Variants in ATM observed in about 807,000 individuals in gnomAD.
The protein encoded by ATM is serine-protein kinase ATM.
ATM carries 308 observed loss-of-function variants against 387.0 expected under a neutral mutation model. That is an observed-to-expected ratio of 0.80 (90% CI 0.73 to 0.87). The LOEUF is 0.87. Among genes scored for constraint, ATM ranks in the 40% least tolerant of loss-of-function variants. The pLI is 0.00. For synonymous variants in ATM, 1,156 were observed against 1,187.3 expected, an observed-to-expected ratio of 0.97 and a Z score of 0.54; for missense variants, 3,312 against 3,560.9, an observed-to-expected ratio of 0.93 and a Z score of 1.78.
chr11:108,363,555 G>A (rs1224924061), intron 61 of ATM, among the ~76,000 whole-genome samples: 1 of 152,184 alleles, frequency 6.6e-6, no homozygotes, highest in African/African-American at 2.4e-5. Flanking sequence ...TGGGAGATGA[G>A]GATAGTATTG....
rs1400642000 is a variant in ATM, at chr11:108,331,429, T to G, written c.7516-15T>G. The G allele has an allele frequency of 6.2e-7, 1 of 1,610,762 alleles. No homozygotes were observed. The highest frequency in any genetic ancestry group is 8.5e-7 in the Non-Finnish European group (1 of 1,178,594). ...TACCTTGTTTCTTAATTTTGTGTCT[T>G]TTTTTTAATGGTAGAGAGACGGAAT... On this transcript the variant is annotated splice_polypyrimidine_tract_variant and intron_variant, in intron 50 of 62. Coordinates refer to ENST00000675843, the MANE Select transcript of ATM (RefSeq NM_000051.4).
chr11:108,298,980 A>G (rs1048405526), intron 33 of ATM, among the ~76,000 whole-genome samples: 2 of 152,224 alleles, frequency 1.3e-5, no homozygotes, highest in African/African-American at 4.8e-5. Flanking sequence ...ATTTAATCAA[A>G]GAGGTGAAAA....
rs764191468 is a variant in ATM at position 108,315,812 on chromosome 11, C to T, written c.6007-11C>T. 1 of 1,604,536 alleles carries T rather than the reference C, an allele frequency of 6.2e-7. No individual in the cohort carries two copies. The highest frequency in any genetic ancestry group is 8.5e-7 in the Non-Finnish European group (1 of 1,172,256). ...TTCCTTCTTCAATTTTTGTTGTTTC[C>T]ATGTTTTCAGGATCTTCTCTTAGAA... On this transcript the variant is annotated splice_polypyrimidine_tract_variant and intron_variant, in intron 40 of 62. Transcript: ENST00000675843.
intron 15 of ATM, among the ~76,000 whole-genome samples, chr11:108,257,856 C>T (rs1591547628): frequency 1.3e-5 from 2 of 152,132 alleles, no homozygotes; most frequent in East Asian, 3.8e-4. Context: ...TTGGTGTCCA[C>T]TCGTAAGTTT....
At chr11:108,317,232 C>T (rs1421594148) in intron 42 of ATM, 141 bp from the exon 43 acceptor site, 4 of 818,318 alleles carry the variant, frequency 4.9e-6, no homozygotes, top group Non-Finnish European at 5.8e-6. Context: ...AGCCACCACA[C>T]CCAGCTGATA....
chr11:108,226,950 T>G (rs2078767168), intron 1 of ATM: 1 of 152,238 alleles, frequency 6.6e-6, no homozygotes, highest in African/African-American at 2.4e-5. Context: ...TGTTTTCTAT[T>G]CATCTTTCAT....
Position 108,366,374 on chromosome 11 carries a change from G to A in ATM, c.*866G>A. 1 of 214,858 alleles carries A rather than the reference G, an allele frequency of 4.7e-6. No homozygotes were observed. Among genetic ancestry groups the A allele is most frequent in the Non-Finnish European group, 9.4e-6 (1 of 106,734 alleles). 13.3% of individuals were successfully genotyped at this position (214,858 alleles called of 1,614,324 possible). A position where few individuals can be genotyped will look rare whatever the true frequency, so the allele number is the denominator to read the frequency against. The stretch of plus-strand genomic sequence containing the variant: ...ATTATGCATCATTTTTCAGATCTCT[G>A]TTTCTTGATGTCATTTTTAATGTTT... On this transcript the variant is annotated 3_prime_UTR_variant, in exon 63 of 63. Transcript: ENST00000675843.
At chr11:108,307,778 T>C in intron 37 of ATM, 119 bp from the exon 38 acceptor site, 2 of 844,618 alleles carry the variant, frequency 2.4e-6, no homozygotes, top group Admixed American at 2.1e-5. Context: ...ACCAATTTTG[T>C]GTTAGGTACT....
At chr11:108,241,738 C>CT (rs1235260816) in intron 5 of ATM, among the ~76,000 whole-genome samples, 22 of 82,068 alleles carry the variant, frequency 2.7e-4, no homozygotes, top group Non-Finnish European at 3.2e-4. Context: ...GTCTTTCTTT[C>CT]TTTCTTTTTT....
chr11:108,271,941 C>A (rs934090470), intron 20 of ATM, among the ~76,000 whole-genome samples: 2 of 152,216 alleles, frequency 1.3e-5, no homozygotes, highest in Non-Finnish European at 2.9e-5. Context: ...GGTGCTATAT[C>A]TGCTCACTGC....
chr11:108,281,584 T>C (rs141587909), intron 24 of ATM, among the ~76,000 whole-genome samples: 67 of 152,362 alleles, frequency 4.4e-4, no homozygotes, highest in Non-Finnish European at 8.2e-4. Flanking sequence ...AGTTCAGTTA[T>C]CAGGGGAGAA....
intron 6 of ATM, among the ~76,000 whole-genome samples, 188 bp from the exon 7 acceptor site, chr11:108,244,600 A>G (rs2079738283): frequency 6.6e-6 from 1 of 150,962 alleles, no homozygotes; most frequent in African/African-American, 2.4e-5. Flanking sequence ...CCAAATAAGA[A>G]CTAATTTTTT....
At chr11:108,351,449 T>C (rs917337713) in intron 59 of ATM, among the ~76,000 whole-genome samples, 1 of 152,218 alleles carries the variant, frequency 6.6e-6, no homozygotes, top group African/African-American at 2.4e-5. Flanking sequence ...AATCACAATT[T>C]ATTTATTATT....
intron 1 of ATM, chr11:108,225,016 G>T (rs538248138): frequency 6.6e-6 from 1 of 152,252 alleles, no homozygotes; most frequent in African/African-American, 2.4e-5. Flanking sequence ...TAAGCTGAAG[G>T]TAAGAAAAAC....
intron 4 of ATM, chr11:108,229,836 A>T (rs979529456): frequency 2.0e-5 from 3 of 151,678 alleles, no homozygotes; most frequent in Non-Finnish European, 4.3e-5. Flanking sequence ...GTGCATCACC[A>T]TGCCAGGCTG....
chr11:108,294,934 A>C lies in ATM; in HGVS notation c.4784A>C (p.Asn1595Thr), dbSNP rs777812804. The change falls in exon 32 of 63, where the codon AAC (asparagine) becomes ACC (threonine). Residue 1595 changes from asparagine to threonine, a missense_variant. This residue lies in a region of ATM where 1,405 missense variants were observed against 1,604.4 expected (regional missense o/e 0.88). Transcript: ENST00000675843. ...TTACATTTTCTCTTTTAGGAAATTA[A>C]CCATTTTCTCTCAGTAAGTGTTTAT... ...RGPFSLLEEI[N>T]HFLSVSVYDA... 1 of 1,613,624 alleles carries C rather than the reference A, an allele frequency of 6.2e-7. No individual in the cohort carries two copies. Among genetic ancestry groups the C allele is most frequent in the Admixed American group, 1.7e-5 (1 of 59,986 alleles).
At chr11:108,230,508 T>C (rs572877181) in intron 4 of ATM, 2 of 152,348 alleles carry the variant, frequency 1.3e-5, no homozygotes, top group Non-Finnish European at 2.9e-5. Flanking sequence ...TGTGACATCC[T>C]TAGAGATGTT....
intron 32 of ATM, among the ~76,000 whole-genome samples, chr11:108,296,759 C>T (rs1478140503): frequency 6.6e-6 from 1 of 152,172 alleles, no homozygotes; most frequent in African/African-American, 2.4e-5. Flanking sequence ...AGCCATTTGG[C>T]TATTTAAATG....
intron 57 of ATM, among the ~76,000 whole-genome samples, 165 bp from the exon 58 acceptor site, chr11:108,345,578 C>T (rs1399983009): frequency 2.6e-5 from 4 of 152,144 alleles, no homozygotes; most frequent in African/African-American, 9.7e-5. Flanking sequence ...GGGATTATCA[C>T]TTGTAATTAA....
Sources: allele counts gnomAD v4.1 joint callset (sites outside exome capture counted in the v4.1 genomes callset), GRCh38; gene constraint gnomAD v4.1.1; regional missense constraint gnomAD v4.1.1; transcripts MANE v1.5; gene names NCBI Gene and HGNC (gene_info 2026-07-23, HGNC 2026-07-21).